NRG1: variants seen among roughly 807,000 people sequenced by gnomAD.
NRG1 encodes pro-neuregulin-1, membrane-bound isoform.
In NRG1, 18 loss-of-function variants were observed where a neutral mutation model predicts 63.8. The observed-to-expected ratio is 0.28, with a 90% CI of 0.19 to 0.42. The LOEUF is 0.42. NRG1 is among the 10% of genes least tolerant of loss of function. The pLI is 1.00. For missense variants in NRG1, 762 were observed against 814.7 expected (o/e 0.94, Z 0.79); for synonymous variants, 302 against 301.3 (o/e 1.00, Z -0.02).
rs146397523 is a variant in NRG1, at chr8:31,949,789, A to G, written c.37+310358A>G. Among the ~76,000 whole-genome samples the G allele has an allele frequency of 6.7e-3, 1,020 of 152,290 alleles. 14 individuals are homozygous for G. The highest frequency in any genetic ancestry group is 0.024 in the African/African-American group (980 of 41,542). On this transcript the variant is annotated intron_variant, in intron 1 of 10. Coordinates refer to the NRG1 transcript ENST00000519301. ...AAGCCTATAGACTCGAAGTGCATAA[A>G]ATACCCTGGATATCTCTCAGTATCC... is the stretch of plus-strand genomic sequence containing the variant.
intron 1 of NRG1, among the ~76,000 whole-genome samples, chr8:32,432,464 C>A (rs555565269): frequency 6.6e-6 from 1 of 152,184 alleles, no homozygotes; most frequent in South Asian, 2.1e-4. Flanking sequence ...TTTTTCCTCA[C>A]AGCAAAGTCC....
At position 32,194,535 on chromosome 8, in the gene NRG1, C is replaced by T. The variant is rs189232537; in HGVS notation, c.38-401293C>T. On this transcript the variant is annotated intron_variant, in intron 1 of 10. Transcript: ENST00000519301. ...TACTATTAGCAGAAGCAAATATCAG[C>T]CTTCTTCAGGCCCTGGCAGGATAAA... 8.7e-4 allele frequency among the ~76,000 whole-genome samples: 132 copies of T among 152,184 alleles called. No homozygotes were observed. In the Middle Eastern group the frequency reaches 0.014, roughly 16 times the overall value.
intron 1 of NRG1, among the ~76,000 whole-genome samples, chr8:32,128,140 T>C (rs565100412): frequency 6.6e-6 from 1 of 152,064 alleles, no homozygotes; most frequent in African/African-American, 2.4e-5. Flanking sequence ...ATGAGGTTTC[T>C]TCCTCCCTGA....
At chr8:32,118,856 C>A (rs990978524) in intron 1 of NRG1, among the ~76,000 whole-genome samples, 2 of 152,030 alleles carry the variant, frequency 1.3e-5, no homozygotes, top group Admixed American at 6.6e-5. Context: ...GAAACCAGCT[C>A]CTTGTACCTC....
At chr8:32,181,110 T>C (rs1384631695) in intron 1 of NRG1, among the ~76,000 whole-genome samples, 1 of 152,208 alleles carries the variant, frequency 6.6e-6, no homozygotes, top group Non-Finnish European at 1.5e-5. Flanking sequence ...AATTTGCAGT[T>C]AGTTTTTCAG....
intron 1 of NRG1, among the ~76,000 whole-genome samples, chr8:31,999,702 A>C (rs1006322451): frequency 6.6e-6 from 1 of 152,036 alleles, no homozygotes; most frequent in African/African-American, 2.4e-5. Context: ...AGAGGTAAAA[A>C]TATCAAAATG....
intron 1 of NRG1, among the ~76,000 whole-genome samples, chr8:32,165,123 T>C (rs75125882): frequency 0.014 from 2,096 of 151,922 alleles, 60 homozygotes; most frequent in African/African-American, 0.048. Flanking sequence ...GTATCACACA[T>C]GTAAGATATT....
intron 1 of NRG1, among the ~76,000 whole-genome samples, chr8:31,765,075 T>C (rs1817925730): frequency 6.6e-6 from 1 of 151,920 alleles, no homozygotes; most frequent in Non-Finnish European, 1.5e-5. Flanking sequence ...TATACCTAAA[T>C]ATTTTTATTT....
At chr8:32,653,122 G>GT (rs1445200549) in intron 5 of NRG1, among the ~76,000 whole-genome samples, 1 of 64,934 alleles carries the variant, frequency 1.5e-5, no homozygotes, top group Non-Finnish European at 7.1e-5. Flanking sequence ...TTTCCTCTTT[G>GT]GTTTTTTTTT....
At chr8:32,001,437 G>A (rs1812915062) in intron 1 of NRG1, among the ~76,000 whole-genome samples, 1 of 151,990 alleles carries the variant, frequency 6.6e-6, no homozygotes, top group South Asian at 2.1e-4. Context: ...GAGCCATGTG[G>A]AACTGTGAGT....
intron 1 of NRG1, among the ~76,000 whole-genome samples, chr8:32,248,629 C>A (rs1193381948): frequency 6.6e-6 from 1 of 151,972 alleles, no homozygotes; most frequent in Non-Finnish European, 1.5e-5. Context: ...TGTCTTCAGG[C>A]TGACATGCTC....
At chr8:31,669,779 TATATCAC>T (rs1193791215) in intron 1 of NRG1, among the ~76,000 whole-genome samples, 1 of 152,216 alleles carries the variant, frequency 6.6e-6, no homozygotes, top group Non-Finnish European at 1.5e-5. Context: ...ACAGAAAAGA[TATATCAC>T]AGATGAAGGA....
intron 1 of NRG1, among the ~76,000 whole-genome samples, chr8:32,336,513 C>CA (rs1341004240): frequency 6.6e-6 from 1 of 151,992 alleles, no homozygotes; most frequent in South Asian, 2.1e-4. Flanking sequence ...AATTAAAAAA[C>CA]AAAAAAATCT....
At chr8:31,900,704 G>A (rs925536877) in intron 1 of NRG1, among the ~76,000 whole-genome samples, 1 of 152,092 alleles carries the variant, frequency 6.6e-6, no homozygotes, top group African/African-American at 2.4e-5. Flanking sequence ...CTGCTTCGTG[G>A]CGTATATAAA....
At chr8:32,607,577 T>A (rs1845480325) in intron 3 of NRG1, among the ~76,000 whole-genome samples, 1 of 152,186 alleles carries the variant, frequency 6.6e-6, no homozygotes, top group South Asian at 2.1e-4. Flanking sequence ...CCCATAGAAT[T>A]CCTTTTTTAT....
chr8:32,064,734 T>C (rs895105272), intron 1 of NRG1, among the ~76,000 whole-genome samples: 1 of 152,174 alleles, frequency 6.6e-6, no homozygotes, highest in African/African-American at 2.4e-5. Flanking sequence ...ACTTATAAGC[T>C]ATACCTGTCA....
chr8:32,098,064 C>A (rs1446992478), intron 1 of NRG1, among the ~76,000 whole-genome samples: 1 of 151,982 alleles, frequency 6.6e-6, no homozygotes, highest in Non-Finnish European at 1.5e-5. Flanking sequence ...TGGGGAATTC[C>A]AGTATTAAGA....
chr8:32,577,816 T>C (rs777515265), intron 1 of NRG1, among the ~76,000 whole-genome samples: 2 of 152,080 alleles, frequency 1.3e-5, no homozygotes, highest in Non-Finnish European at 2.9e-5. Context: ...TGTACCATCA[T>C]TATAGCACTT....
intron 1 of NRG1, among the ~76,000 whole-genome samples, chr8:31,891,180 C>T (rs547534092): frequency 4.0e-5 from 6 of 151,896 alleles, no homozygotes; most frequent in Non-Finnish European, 8.8e-5. Context: ...AAACCTTTGC[C>T]CTGCAAAAGA....
Sources: gnomAD v4.1 joint callset for allele counts (sites outside exome capture counted in the v4.1 genomes callset) on GRCh38, gnomAD v4.1.1 for gene constraint, MANE v1.5 for transcripts, NCBI Gene and HGNC (gene_info 2026-07-23, HGNC 2026-07-21) for gene names.